The following SMARCE1 variants were observed in gnomAD, a reference collection of about 807,000 sequenced individuals.
The protein encoded by SMARCE1 is SWI/SNF related BAF chromatin remodeling complex subunit E1.
A neutral mutation model predicts 54.9 loss-of-function variants in SMARCE1; 13 were observed. That is an observed-to-expected ratio of 0.24 (90% CI 0.15 to 0.38). The LOEUF (loss-of-function observed/expected upper bound fraction) is 0.38, where lower values mean the gene tolerates loss of function less well. Ranked by LOEUF, SMARCE1 falls within the 10% of genes least tolerant of loss-of-function variation. The probability of loss-of-function intolerance (pLI) is 1.00; values close to 1 mark genes in which losing one functional copy is unlikely to be tolerated. For missense variants in SMARCE1, 295 were observed against 523.8 expected (o/e 0.56, Z 4.26); for synonymous variants, 151 against 175.3 (o/e 0.86, Z 1.10).
In SMARCE1 at chr17:40,628,667, T is replaced by G; in HGVS notation, c.*118A>C. 1 of 735,444 alleles carries G rather than the reference T, an allele frequency of 1.4e-6. No homozygotes were observed. Among genetic ancestry groups the G allele is most frequent in the Non-Finnish European group, 2.3e-6 (1 of 437,410 alleles). 45.6% of individuals were successfully genotyped at this position (735,444 alleles called of 1,614,324 possible). A position where few individuals can be genotyped will look rare whatever the true frequency, so the allele number is the denominator to read the frequency against. ...ATGATGCTAAATGGTCCAAAAGCCT[T>G]TGGTGGTGTGATATGGACAAGAAAA... On this transcript the variant is annotated 3_prime_UTR_variant, in exon 11 of 11. Transcript: ENST00000348513.
Position 40,628,737 on chromosome 17 carries a change from A to AT in SMARCE1, c.*47dup, listed in dbSNP as rs775639614. 4.2e-5 allele frequency: 63 copies of AT among 1,505,858 alleles called. No individual in the cohort carries two copies. Among genetic ancestry groups the AT allele is most frequent in the Middle Eastern group, 1.7e-4 (1 of 5,852 alleles). The allele number at this position is 1,505,858 out of a possible 1,614,324, so 93.3% of individuals were successfully genotyped here. On this transcript the variant is annotated 3_prime_UTR_variant, in exon 11 of 11. Coordinates refer to ENST00000348513, the MANE Select transcript of SMARCE1 (RefSeq NM_003079.5). Reference sequence around the variant, plus strand: ...CGTAACACCATTAAAACCAAAAAACATTTTTTCATTAAAAAAAGTATTTAG... The same window carrying AT: ...CGTAACACCATTAAAACCAAAAAACATTTTTTTCATTAAAAAAAGTATTTAG...
intron 7 of SMARCE1, 108 bp from the exon 8 acceptor site, chr17:40,632,475 C>T: frequency 1.1e-6 from 1 of 898,704 alleles, no homozygotes; most frequent in East Asian, 2.5e-5. Flanking sequence ...ACTGGCCTAA[C>T]AAGTGGACCT....
chr17:40,626,665 A>G lies in SMARCE1; in HGVS notation c.*2120T>C, dbSNP rs2143976483. The G allele has an allele frequency of 6.6e-6, 1 of 152,344 alleles. No individual in the cohort carries two copies. The highest frequency in any genetic ancestry group is 1.9e-4 in the East Asian group (1 of 5,184). The allele number at this position is 152,344 out of a possible 1,614,324, so 9.4% of individuals were successfully genotyped here. A position where few individuals can be genotyped will look rare whatever the true frequency, so the allele number is the denominator to read the frequency against. On this transcript the variant is annotated 3_prime_UTR_variant, in exon 11 of 11. Coordinates refer to ENST00000348513, the MANE Select transcript of SMARCE1 (RefSeq NM_003079.5). ...GGCAGGCGGATCACCTGAGGTCACG[A>G]GTTCAAGATCAGCCTGGCTAACATG...
intron 4 of SMARCE1, chr17:40,641,383 C>A (rs1404027678): frequency 2.0e-5 from 3 of 152,106 alleles, no homozygotes; most frequent in Non-Finnish European, 4.4e-5. Context: ...ACATATTATG[C>A]AGAAACAATG....
chr17:40,631,201 C>T lies in SMARCE1; in HGVS notation c.817-277G>A, dbSNP rs374816782. 133 of 359,834 alleles carry T rather than the reference C, an allele frequency of 3.7e-4. 2 individuals carry two copies. Among genetic ancestry groups the T allele is most frequent in the East Asian group, 3.2e-3 (68 of 21,182 alleles). The allele number at this position is 359,834 out of a possible 1,614,324, so 22.3% of individuals were successfully genotyped here. On this transcript the variant is annotated intron_variant, in intron 9 of 10. Coordinates refer to ENST00000348513, the MANE Select transcript of SMARCE1 (RefSeq NM_003079.5). ...TGAAAGTTCTGGGGTATACATAAGG[C>T]TTCCGTTTTACATTTTGGGCTACCA...
chr17:40,640,821 T>C (rs2037192089), intron 4 of SMARCE1: 1 of 152,230 alleles, frequency 6.6e-6, no homozygotes, highest in Non-Finnish European at 1.5e-5. Flanking sequence ...ACTATGTAGC[T>C]AGTGTCCACG....
Position 40,630,724 on chromosome 17 carries a change from CG to C in SMARCE1, c.1016del (p.Pro339ArgfsTer103). On this transcript the variant is annotated frameshift_variant, in exon 10 of 11. Coordinates refer to ENST00000348513, the MANE Select transcript of SMARCE1 (RefSeq NM_003079.5). LOFTEE classifies it high-confidence loss of function. ...GEEKKDDENIPMETEETHLEE... is the reference protein window; with the variant it reads ...GEEKKDDENIXMETEETHLEE... ...TTGCTAGTGGGTTACCTGTCTCCAT[CG>C]GAATGTTCTCGTCGTCTTTCTTCTC... The C allele has an allele frequency of 6.2e-7, 1 of 1,613,942 alleles. No individual in the cohort carries two copies. The highest frequency in any genetic ancestry group is 8.5e-7 in the Non-Finnish European group (1 of 1,179,830).
Position 40,642,142 on chromosome 17 carries a change from T to C in SMARCE1, c.156+313A>G, listed in dbSNP as rs940420268. On this transcript the variant is annotated intron_variant, in intron 4 of 10. Transcript: ENST00000348513. The surrounding 1 kb of genome is among the most constrained non-coding windows in gnomAD (Gnocchi z 4.6). ...CCTTATAAAAATGAAAAATACTCTT[T>C]ATGTCAAAAAGGATATTTTTACCTT... 2.0e-6 allele frequency: 1 copy of C among 504,682 alleles called. No individual in the cohort carries two copies. The highest frequency in any genetic ancestry group is 3.9e-5 in the Admixed American group (1 of 25,584). 31.3% of individuals were successfully genotyped at this position (504,682 alleles called of 1,614,324 possible). A position where few individuals can be genotyped will look rare whatever the true frequency, so the allele number is the denominator to read the frequency against.
chr17:40,635,430 T>C (rs1403760309), intron 7 of SMARCE1: 1 of 152,176 alleles, frequency 6.6e-6, no homozygotes, highest in Non-Finnish European at 1.5e-5. Context: ...TGTATACAAT[T>C]TGTATGGGTA....
At chr17:40,646,786 A>G (rs1027559459) in intron 1 of SMARCE1, among the ~76,000 whole-genome samples, 5 of 152,214 alleles carry the variant, frequency 3.3e-5, no homozygotes, top group Admixed American at 1.3e-4. Flanking sequence ...ATTTGCAACC[A>G]AACATGTGGA....
rs2037159992 is a variant in SMARCE1 at position 40,637,732 on chromosome 17, A to G, written c.157-160T>C. The G allele has an allele frequency of 4.9e-6, 3 of 612,776 alleles. No homozygotes were observed. The Admixed American group carries it at 8.7e-5, about 18-fold the overall frequency. The allele number at this position is 612,776 out of a possible 1,614,324, so 38.0% of individuals were successfully genotyped here. A position where few individuals can be genotyped will look rare whatever the true frequency, so the allele number is the denominator to read the frequency against. The stretch of plus-strand genomic sequence containing the variant: ...CACTGCAAATTCAGAAATGTTCAAA[A>G]GAAAATGACTTTAAGCACATAATTT... On this transcript the variant is annotated intron_variant, in intron 4 of 10. Transcript: ENST00000348513.
chr17:40,631,861 T>C lies in SMARCE1; in HGVS notation c.715-168A>G, dbSNP rs868758861. 4 of 577,936 alleles carry C rather than the reference T, an allele frequency of 6.9e-6. No individual in the cohort carries two copies. The Middle Eastern group carries it at 1.0e-3, about 149-fold the overall frequency. The allele number at this position is 577,936 out of a possible 1,614,324, so 35.8% of individuals were successfully genotyped here. On this transcript the variant is annotated intron_variant, in intron 8 of 10. Transcript: ENST00000348513. ...CAAAGAAATGATTATGATCAATAGG[T>C]AAATGTTAAAGAATACTGTTTCAGG...
At chr17:40,629,448 G>T in intron 10 of SMARCE1, 1 of 856,778 alleles carries the variant, frequency 1.2e-6, no homozygotes, top group Non-Finnish European at 1.6e-6. Context: ...TTTTATTTCT[G>T]TTGGACAGTG....
At chr17:40,630,030 G>A (rs2037074790) in intron 10 of SMARCE1, 1 of 443,692 alleles carries the variant, frequency 2.3e-6, no homozygotes, top group Non-Finnish European at 4.0e-6. Context: ...GATGCTCCAG[G>A]AAGCCTTTGG....
rs1474209603 is a variant in SMARCE1 at position 40,628,046 on chromosome 17, C to T, written c.*739G>A. On this transcript the variant is annotated 3_prime_UTR_variant, in exon 11 of 11. Transcript: ENST00000348513. Reference sequence around the variant, plus strand: ...AATTCCTTGAGCTTTGTGATCTATTCTGTCTTTGGAAAACCTGGTAAAAAA... The same window carrying T: ...AATTCCTTGAGCTTTGTGATCTATTTTGTCTTTGGAAAACCTGGTAAAAAA... 2 of 152,582 alleles carry T rather than the reference C, an allele frequency of 1.3e-5. No homozygotes were observed. Among genetic ancestry groups the T allele is most frequent in the Admixed American group, 1.3e-4 (2 of 15,274 alleles). The allele number at this position is 152,582 out of a possible 1,614,324, so 9.5% of individuals were successfully genotyped here.
At chr17:40,635,616 A>G (rs1474998821) in intron 7 of SMARCE1, 1 of 186,672 alleles carries the variant, frequency 5.4e-6, no homozygotes, top group Non-Finnish European at 1.1e-5. Flanking sequence ...ATATAATTAG[A>G]ATGCATTTAG....
chr17:40,644,461 T>C (rs2037232454), intron 3 of SMARCE1: 1 of 152,176 alleles, frequency 6.6e-6, no homozygotes, highest in African/African-American at 2.4e-5. Flanking sequence ...GTATAGCCAC[T>C]AGCAGAATGC....
At chr17:40,637,776 A>T (rs1391888889) in intron 4 of SMARCE1, 3 of 554,412 alleles carry the variant, frequency 5.4e-6, no homozygotes, top group Non-Finnish European at 6.5e-6. Flanking sequence ...TTTACTTAGC[A>T]GTTTATTGCC....
intron 4 of SMARCE1, among the ~76,000 whole-genome samples, chr17:40,638,571 A>G (rs1349953461): frequency 6.6e-6 from 1 of 152,162 alleles, no homozygotes; most frequent in Non-Finnish European, 1.5e-5. Context: ...CCACCCAGAT[A>G]ACACCCATCT....
Sources: gnomAD v4.1 joint callset for allele counts (sites outside exome capture counted in the v4.1 genomes callset) on GRCh38, gnomAD v4.1.1 for gene constraint, Gnocchi (gnomAD v3.1) non-coding constraint, MANE v1.5 for transcripts, NCBI Gene and HGNC (gene_info 2026-07-23, HGNC 2026-07-21) for gene names.